The following HS3ST5 variants were observed in gnomAD, a reference collection of about 807,000 sequenced individuals.
HS3ST5 encodes the protein heparan sulfate glucosamine 3-O-sulfotransferase 5.
A neutral mutation model predicts 25.4 loss-of-function variants in HS3ST5; 10 were observed. That is an observed-to-expected ratio of 0.39 (90% CI 0.24 to 0.67). The LOEUF (loss-of-function observed/expected upper bound fraction) is 0.67. Ranked by LOEUF, HS3ST5 falls within the 30% of genes least tolerant of loss-of-function variation. HS3ST5 has a pLI of 0.44. For synonymous variants in HS3ST5, 170 were observed against 162.4 expected (o/e 1.05, Z -0.36); for missense variants, 324 against 420.7 (o/e 0.77, Z 2.01).
At chr6:114,310,185 A>T (rs779910420) in intron 1 of HS3ST5, among the ~76,000 whole-genome samples, 29 of 152,328 alleles carry the variant, frequency 1.9e-4, no homozygotes, top group Admixed American at 3.3e-4. Flanking sequence ...TATCTGAAAT[A>T]TCTTTCAAAT....
intron 1 of HS3ST5, among the ~76,000 whole-genome samples, chr6:114,308,113 A>G (rs891820661): frequency 3.3e-5 from 5 of 152,212 alleles, no homozygotes; most frequent in Admixed American, 2.6e-4. Flanking sequence ...GAGAAAAATG[A>G]TCATTGTAAA....
At chr6:114,125,138 GA>G (rs1403566874) in intron 3 of HS3ST5, among the ~76,000 whole-genome samples, 1 of 151,222 alleles carries the variant, frequency 6.6e-6, no homozygotes, top group Non-Finnish European at 1.5e-5. Context: ...TAAATTAAAT[GA>G]TTTTTTTTAA....
intron 2 of HS3ST5, among the ~76,000 whole-genome samples, chr6:114,180,723 C>T (rs1779934935): frequency 6.6e-6 from 1 of 152,198 alleles, no homozygotes; most frequent in Admixed American, 6.6e-5. Context: ...TATTCCAATA[C>T]AGCTGCCAAT....
intron 3 of HS3ST5, among the ~76,000 whole-genome samples, chr6:114,107,525 C>T (rs1405266842): frequency 2.6e-5 from 4 of 152,118 alleles, no homozygotes; most frequent in African/African-American, 9.7e-5. Flanking sequence ...TTGAAAGTTC[C>T]AGCCAGTGCG....
chr6:114,332,430 A>T (rs886557798), intron 1 of HS3ST5, among the ~76,000 whole-genome samples: 17 of 152,198 alleles, frequency 1.1e-4, no homozygotes, highest in African/African-American at 3.9e-4. Flanking sequence ...TAAAGTAATC[A>T]TATTCTCAGA....
At chr6:114,171,615 C>T (rs1779477025) in intron 2 of HS3ST5, among the ~76,000 whole-genome samples, 1 of 152,108 alleles carries the variant, frequency 6.6e-6, no homozygotes, top group Non-Finnish European at 1.5e-5. Flanking sequence ...GTATTCAGCC[C>T]ATTTTACAGA....
At chr6:114,174,444 G>A (rs1779621586) in intron 2 of HS3ST5, among the ~76,000 whole-genome samples, 1 of 151,754 alleles carries the variant, frequency 6.6e-6, no homozygotes. Flanking sequence ...ACCACTGCTT[G>A]GAATATTCTA....
At position 114,091,632 on chromosome 6, in the gene HS3ST5, C is replaced by T. The variant is rs967383718; in HGVS notation, c.-32-28755G>A. Among the ~76,000 whole-genome samples the T allele has an allele frequency of 6.6e-5, 10 of 151,740 alleles. No homozygotes were observed. In the South Asian group the frequency reaches 1.0e-3, roughly 16 times the overall value. ...CCGGGAGGCAGAGCTTGCTGTGAGC[C>T]GAGATTGCGCCACTGCACCCAGCCT... On this transcript the variant is annotated intron_variant, in intron 3 of 4. Transcript: ENST00000312719.
intron 3 of HS3ST5, among the ~76,000 whole-genome samples, chr6:114,145,548 G>A (rs987696733): frequency 6.6e-6 from 1 of 152,158 alleles, no homozygotes; most frequent in African/African-American, 2.4e-5. Context: ...TTAGAAGGAG[G>A]GAGTCTGGAG....
At chr6:114,335,195 A>G (rs996950547) in intron 1 of HS3ST5, among the ~76,000 whole-genome samples, 5 of 152,112 alleles carry the variant, frequency 3.3e-5, no homozygotes, top group Non-Finnish European at 7.4e-5. Context: ...CATCTGTGAA[A>G]TGGAAATACT....
intron 3 of HS3ST5, among the ~76,000 whole-genome samples, chr6:114,156,702 G>A (rs556769882): frequency 9.2e-5 from 14 of 151,750 alleles, no homozygotes; most frequent in Non-Finnish European, 1.9e-4. Flanking sequence ...GCAGCCTCTG[G>A]CACTATTGAC....
intron 3 of HS3ST5, among the ~76,000 whole-genome samples, chr6:114,108,038 A>G (rs1319104964): frequency 6.6e-6 from 1 of 152,182 alleles, no homozygotes; most frequent in African/African-American, 2.4e-5. Context: ...AGATATAGGT[A>G]TACAGATATA....
At chr6:114,240,882 G>A (rs557986022) in intron 1 of HS3ST5, among the ~76,000 whole-genome samples, 15 of 152,230 alleles carry the variant, frequency 9.9e-5, no homozygotes, top group Admixed American at 3.9e-4. Flanking sequence ...CTCTGGGTTC[G>A]CTGACAGTGT....
In HS3ST5 at chr6:114,212,226, C is replaced by T. The variant is rs1448007312; in HGVS notation, c.-145+16359G>A. On this transcript the variant is annotated intron_variant, in intron 2 of 4. Coordinates refer to ENST00000312719, the MANE Select transcript of HS3ST5 (RefSeq NM_153612.4). ...TCTCTAGGATACACAGAGCTTTCTT[C>T]AACAAGGGCAGGCTGGCCTTCTGCA... Among the ~76,000 whole-genome samples, 6 of 152,314 alleles carry T rather than the reference C, an allele frequency of 3.9e-5. No homozygotes were observed. In the South Asian group the frequency reaches 6.2e-4, roughly 16 times the overall value.
chr6:114,313,072 C>CA (rs1262940356), intron 1 of HS3ST5, among the ~76,000 whole-genome samples: 1 of 129,804 alleles, frequency 7.7e-6, no homozygotes, highest in Admixed American at 7.8e-5. Context: ...TAGATACACT[C>CA]ACGGCCAATA....
At chr6:114,168,092 A>T (rs920369757) in intron 3 of HS3ST5, among the ~76,000 whole-genome samples, 7 of 152,090 alleles carry the variant, frequency 4.6e-5, no homozygotes, top group African/African-American at 1.7e-4. Flanking sequence ...GAAAATCAAT[A>T]AAAAAAATTT....
intron 3 of HS3ST5, among the ~76,000 whole-genome samples, chr6:114,093,190 G>T (rs1412243424): frequency 6.6e-6 from 1 of 152,118 alleles, no homozygotes; most frequent in African/African-American, 2.4e-5. Flanking sequence ...GCACCAGTCT[G>T]CCTGAACAGG....
chr6:114,121,270 G>A (rs1035617136), intron 3 of HS3ST5, among the ~76,000 whole-genome samples: 15 of 152,072 alleles, frequency 9.9e-5, no homozygotes, highest in African/African-American at 3.6e-4. Context: ...ATCTCCACGT[G>A]GGAGGTTTCT....
intron 2 of HS3ST5, among the ~76,000 whole-genome samples, chr6:114,174,743 C>G (rs9372389): frequency 0.54 from 82,288 of 151,924 alleles, 22,700 homozygotes; most frequent in African/African-American, 0.63. Flanking sequence ...TCCTGTAATC[C>G]CAGCACTTTG....
Sources: allele counts gnomAD v4.1 joint callset (sites outside exome capture counted in the v4.1 genomes callset), GRCh38; gene constraint gnomAD v4.1.1; transcripts MANE v1.5; gene names NCBI Gene and HGNC (gene_info 2026-07-23, HGNC 2026-07-21).